The following VANGL1 variants were observed in gnomAD, a reference collection of about 807,000 sequenced individuals.
VANGL1 encodes the protein vang-like protein 1.
VANGL1 carries 18 observed loss-of-function variants against 48.4 expected under a neutral mutation model. The ratio of observed to expected loss-of-function variants is 0.37; its 90% CI spans 0.26 to 0.55. The LOEUF is 0.55. VANGL1 is among the 20% of genes least tolerant of loss of function. VANGL1 has a pLI of 0.81. For synonymous variants in VANGL1, 257 were observed against 261.8 expected (o/e 0.98, Z 0.18); for missense variants, 667 against 675.8 (o/e 0.99, Z 0.14).
At chr1:115,667,022 A>T (rs1322433558) in intron 4 of VANGL1, among the ~76,000 whole-genome samples, 2 of 152,176 alleles carry the variant, frequency 1.3e-5, no homozygotes, top group Admixed American at 6.5e-5. Flanking sequence ...GTAGAAACAG[A>T]CAGGAGGGAA....
rs144259110 is a variant in VANGL1, at chr1:115,651,138, C to T, written c.-137-139C>T. 3.3e-5 allele frequency: 15 copies of T among 449,600 alleles called. No homozygotes were observed. In the East Asian group the frequency reaches 6.3e-4, roughly 19 times the overall value. The allele number at this position is 449,600 out of a possible 1,614,324, so 27.9% of individuals were successfully genotyped here. A position where few individuals can be genotyped will look rare whatever the true frequency, so the allele number is the denominator to read the frequency against. On this transcript the variant is annotated intron_variant, in intron 1 of 7. Transcript: ENST00000355485. ...GGTTGCTGCATGGGTGGAGCATTTA[C>T]AGTTCAGTTGCTTCACCCTCACTCG... is the stretch of plus-strand genomic sequence containing the variant.
chr1:115,685,258 C>T (rs368836980), intron 6 of VANGL1, 35 bp from the exon 7 acceptor site: 26 of 1,610,462 alleles, frequency 1.6e-5, no homozygotes, highest in Non-Finnish European at 2.2e-5. Flanking sequence ...GTGGCAGGCA[C>T]CATCCTGATT....
intron 7 of VANGL1, among the ~76,000 whole-genome samples, chr1:115,687,516 T>C (rs1653674786): frequency 7.2e-6 from 1 of 138,870 alleles, no homozygotes; most frequent in African/African-American, 2.7e-5. Context: ...TTAAAAATAA[T>C]AGCTGTTTTT....
Position 115,649,330 on chromosome 1 carries a change from C to CTAA in VANGL1, c.-137-1946_-137-1945insAAT, listed in dbSNP as rs138405702. 4.1e-3 allele frequency among the ~76,000 whole-genome samples: 628 copies of CTAA among 152,294 alleles called. 9 individuals carry two copies. The highest frequency in any genetic ancestry group is 0.014 in the African/African-American group (591 of 41,550). ...CCACCATAATAGGCTGCCTTGCTTC[C>CTAA]TTTTTATGGATTGGGAAGTCTCTGA... is the stretch of plus-strand genomic sequence containing the variant. On this transcript the variant is annotated intron_variant, in intron 1 of 7. Transcript: ENST00000355485.
Position 115,687,999 on chromosome 1 carries a change from T to C in VANGL1, c.1314+2472T>C, listed in dbSNP as rs569276229. On this transcript the variant is annotated intron_variant, in intron 7 of 7. Coordinates refer to ENST00000355485, the MANE Select transcript of VANGL1 (RefSeq NM_138959.3). ...ATAGATAGATAGATAGACACATAGA[T>C]AGATACATAGATAGATACATAGATA... is the stretch of plus-strand genomic sequence containing the variant. 1.5e-5 allele frequency among the ~76,000 whole-genome samples: 2 copies of C among 132,966 alleles called. 1 individual carries two copies. The highest frequency in any genetic ancestry group is 3.2e-5 in the Non-Finnish European group (2 of 61,734). 87.2% of individuals were successfully genotyped at this position (132,966 alleles called of 152,430 possible).
chr1:115,673,594 C>CTTTTTTTTTTT (rs960453479), intron 4 of VANGL1, among the ~76,000 whole-genome samples: 1 of 108,586 alleles, frequency 9.2e-6, no homozygotes, highest in Non-Finnish European at 1.8e-5. Flanking sequence ...TGTATGTCCT[C>CTTTTTTTTTTT]TTTTTTTTTT....
chr1:115,696,665 C>T lies in VANGL1; in HGVS notation c.*5286C>T, dbSNP rs192672583. On this transcript the variant is annotated 3_prime_UTR_variant, in exon 8 of 8. Coordinates refer to ENST00000355485, the MANE Select transcript of VANGL1 (RefSeq NM_138959.3). ...AGTCCCGTTTTCCCAGGTCCTGTTC[C>T]GTTTCTACGTAGATAACCCAATTTG... is the stretch of plus-strand genomic sequence containing the variant. 5.1e-4 allele frequency: 78 copies of T among 152,276 alleles called. 1 individual carries two copies. Among genetic ancestry groups the T allele is most frequent in the Admixed American group, 5.1e-3 (78 of 15,296 alleles). The allele number at this position is 152,276 out of a possible 1,614,324, so 9.4% of individuals were successfully genotyped here.
chr1:115,649,242 A>G (rs558251165), intron 1 of VANGL1, among the ~76,000 whole-genome samples: 7 of 152,316 alleles, frequency 4.6e-5, no homozygotes, highest in African/African-American at 1.7e-4. Context: ...AAAACTTAGC[A>G]TTTAAAAAAG....
chr1:115,664,114 G>A lies in VANGL1; in HGVS notation c.658G>A (p.Val220Met). The A allele has an allele frequency of 6.2e-7, 1 of 1,614,194 alleles. No homozygotes were observed. Among genetic ancestry groups the A allele is most frequent in the Non-Finnish European group, 8.5e-7 (1 of 1,180,038 alleles). Residue 220 changes from valine (V) to methionine (M), a missense_variant, in exon 4 of 8, where the codon GTG becomes ATG. Val to Met is a conservative substitution (Grantham distance 21). Coordinates refer to ENST00000355485, the MANE Select transcript of VANGL1 (RefSeq NM_138959.3). The stretch of plus-strand genomic sequence containing the variant: ...TCGGGACCGGAATTACCAGGGCATT[G>A]TGCAATATGCAGTCTCCCTTGTGGA... ...DSRDRNYQGI[V>M]QYAVSLVDAL...
At chr1:115,662,290 A>C (rs112224611) in intron 3 of VANGL1, among the ~76,000 whole-genome samples, 1 of 152,182 alleles carries the variant, frequency 6.6e-6, no homozygotes, top group Non-Finnish European at 1.5e-5. Context: ...TGATTTAGCT[A>C]CTAACTGAAA....
chr1:115,653,646 C>T (rs759998742), intron 2 of VANGL1, among the ~76,000 whole-genome samples: 1 of 152,194 alleles, frequency 6.6e-6, no homozygotes, highest in Non-Finnish European at 1.5e-5. Flanking sequence ...CTGCTATTTC[C>T]TTAGGCCTCT....
At chr1:115,649,037 G>C (rs1047097059) in intron 1 of VANGL1, among the ~76,000 whole-genome samples, 3 of 152,130 alleles carry the variant, frequency 2.0e-5, no homozygotes, top group African/African-American at 7.2e-5. Flanking sequence ...GGAGATCTTC[G>C]AAGCACATCC....
At position 115,694,777 on chromosome 1, in the gene VANGL1, C is replaced by T. The variant is rs1653973793; in HGVS notation, c.*3398C>T. On this transcript the variant is annotated 3_prime_UTR_variant, in exon 8 of 8. Coordinates refer to ENST00000355485, the MANE Select transcript of VANGL1 (RefSeq NM_138959.3). The stretch of plus-strand genomic sequence containing the variant: ...TTTATTTCCATATATGTGAGCATTT[C>T]TCTGAGTGTATTACCAGACGGATAG... 1 of 152,170 alleles carries T rather than the reference C, an allele frequency of 6.6e-6. No individual in the cohort carries two copies. Among genetic ancestry groups the T allele is most frequent in the Admixed American group, 6.5e-5 (1 of 15,280 alleles). 9.4% of individuals were successfully genotyped at this position (152,170 alleles called of 1,614,324 possible).
In VANGL1 at chr1:115,697,769, G is replaced by A. The variant is rs1416039371; in HGVS notation, c.*6390G>A. 6.6e-6 allele frequency: 1 copy of A among 152,174 alleles called. No homozygotes were observed. Among genetic ancestry groups the A allele is most frequent in the African/African-American group, 2.4e-5 (1 of 41,448 alleles). The allele number at this position is 152,174 out of a possible 1,614,324, so 9.4% of individuals were successfully genotyped here. A position where few individuals can be genotyped will look rare whatever the true frequency, so the allele number is the denominator to read the frequency against. On this transcript the variant is annotated 3_prime_UTR_variant, in exon 8 of 8. Coordinates refer to ENST00000355485, the MANE Select transcript of VANGL1 (RefSeq NM_138959.3). ...TGTCTTTACCTGACAGAGTCATAAC[G>A]GTTTGTGTAAAAATGTGGTCAGGGA...
chr1:115,669,931 G>A (rs1652913717), intron 4 of VANGL1, among the ~76,000 whole-genome samples: 1 of 152,142 alleles, frequency 6.6e-6, no homozygotes, highest in Admixed American at 6.5e-5. Context: ...GAAGTGTTAT[G>A]GACTGAATGT....
In VANGL1 at chr1:115,697,046, C is replaced by A. The variant is rs1239447119; in HGVS notation, c.*5667C>A. The A allele has an allele frequency of 6.6e-6, 1 of 152,196 alleles. No homozygotes were observed. Among genetic ancestry groups the A allele is most frequent in the Non-Finnish European group, 1.5e-5 (1 of 68,030 alleles). 9.4% of individuals were successfully genotyped at this position (152,196 alleles called of 1,614,324 possible). On this transcript the variant is annotated 3_prime_UTR_variant, in exon 8 of 8. Coordinates refer to ENST00000355485, the MANE Select transcript of VANGL1 (RefSeq NM_138959.3). Reference sequence around the variant, plus strand: ...TCTGAGCTTTCACTTGTAGACATGGCCTTTTGTTGTGAAGTTGCTCATCAT... The same window carrying A: ...TCTGAGCTTTCACTTGTAGACATGGACTTTTGTTGTGAAGTTGCTCATCAT...
intron 1 of VANGL1, among the ~76,000 whole-genome samples, chr1:115,643,023 AT>A (rs1651794168): frequency 6.6e-6 from 1 of 152,242 alleles, no homozygotes; most frequent in South Asian, 2.1e-4. Flanking sequence ...ACCAGGTCTA[AT>A]GCCCACGCTG....
At chr1:115,652,130 T>C (rs1437209741) in intron 2 of VANGL1, among the ~76,000 whole-genome samples, 1 of 152,256 alleles carries the variant, frequency 6.6e-6, no homozygotes, top group Admixed American at 6.5e-5. Context: ...TTGTCCATTA[T>C]GCCTTTGTCA....
At chr1:115,679,403 TC>T (rs1202896142) in intron 4 of VANGL1, among the ~76,000 whole-genome samples, 1 of 152,216 alleles carries the variant, frequency 6.6e-6, no homozygotes, top group Non-Finnish European at 1.5e-5. Flanking sequence ...CCTGGGCACT[TC>T]CTGGGACGCC....
Sources: allele counts gnomAD v4.1 joint callset (sites outside exome capture counted in the v4.1 genomes callset), GRCh38; gene constraint gnomAD v4.1.1; transcripts MANE v1.5; gene names NCBI Gene and HGNC (gene_info 2026-07-23, HGNC 2026-07-21).